PRAM1: variants seen among roughly 807,000 people sequenced by gnomAD.
PRAM1 encodes the protein PML-RARA-regulated adapter molecule 1.
In PRAM1, 41 loss-of-function variants were observed where a neutral mutation model predicts 55.3. That is an observed-to-expected ratio of 0.74 (90% CI 0.58 to 0.96). PRAM1 has a LOEUF of 0.96. Among genes scored for constraint, PRAM1 ranks in the 40% least tolerant of loss-of-function variants. The probability of loss-of-function intolerance (pLI) is 0.00; values close to 1 mark genes in which losing one functional copy is unlikely to be tolerated. For synonymous variants in PRAM1, 401 were observed against 387.1 expected (o/e 1.04, Z -0.42); for missense variants, 898 against 892.7 (o/e 1.01, Z -0.08).
chr19:8,491,066 C>T, intron 5 of PRAM1, 34 bp downstream of exon 5: 3 of 1,611,620 alleles, frequency 1.9e-6, no homozygotes, highest in East Asian at 2.2e-5. Context: ...CTGGAGCTCG[C>T]CCCCCGTCTG....
intron 4 of PRAM1, chr19:8,491,392 C>G (rs1345328670): frequency 1.0e-5 from 6 of 591,374 alleles, no homozygotes; most frequent in Non-Finnish European, 1.5e-5. Context: ...CATCACCACA[C>G]CTGGCTGATT....
At chr19:8,497,045 G>A (rs778719816) in intron 4 of PRAM1, among the ~76,000 whole-genome samples, 1 of 151,964 alleles carries the variant, frequency 6.6e-6, no homozygotes, top group Non-Finnish European at 1.5e-5. Flanking sequence ...ATAAATAAAT[G>A]AATGGATGGA....
At chr19:8,496,153 C>T (rs1482775627) in intron 4 of PRAM1, 3 of 453,952 alleles carry the variant, frequency 6.6e-6, no homozygotes, top group African/African-American at 2.0e-5. Context: ...TGGTGGCTCA[C>T]GCCTGAAATC....
At chr19:8,498,341 C>A (rs1971731524) in intron 2 of PRAM1, 35 bp downstream of exon 2, 3 of 1,591,940 alleles carry the variant, frequency 1.9e-6, no homozygotes, top group South Asian at 1.1e-5. Flanking sequence ...GGACCTCAGC[C>A]CCCGCTCCTG....
intron 4 of PRAM1, among the ~76,000 whole-genome samples, chr19:8,496,283 G>A (rs1025791436): frequency 1.3e-5 from 2 of 152,166 alleles, no homozygotes; most frequent in Non-Finnish European, 2.9e-5. Flanking sequence ...GCATGGTGGT[G>A]GGCGCCTGTA....
chr19:8,490,210 T>C lies in PRAM1; in HGVS notation c.1992A>G (p.Gln664=). The C allele has an allele frequency of 6.3e-7, 1 of 1,596,438 alleles. No homozygotes were observed. The highest frequency in any genetic ancestry group is 8.5e-7 in the Non-Finnish European group (1 of 1,170,454). The stretch of plus-strand genomic sequence containing the variant: ...GGTCTTACCGTCCCAGGGGGAGTGG[T>C]TGGTTTTCCAGGGGATCTGCCGAGG... ...DVDFCDPLEN[Q]PLPLGR Residue 664 remains glutamine (Q), a synonymous_variant, in exon 10 of 10, where the codon CAA becomes CAG. Transcript: ENST00000423345. The surrounding 1 kb of genome is among the most constrained non-coding windows in gnomAD (Gnocchi z 7.3).
At chr19:8,497,870 C>CTTTTTTTTT (rs58671333) in intron 3 of PRAM1, 30 bp from the exon 4 acceptor site, 49 of 359,058 alleles carry the variant, frequency 1.4e-4, no homozygotes, top group South Asian at 2.5e-4. Context: ...GAGGCCTCTT[C>CTTTTTTTTT]TTTTTTTTTT....
At chr19:8,494,336 G>A (rs1019356691) in intron 4 of PRAM1, among the ~76,000 whole-genome samples, 2 of 152,166 alleles carry the variant, frequency 1.3e-5, no homozygotes, top group African/African-American at 2.4e-5. Context: ...CATCCCCAAC[G>A]GTGGCCCCCA....
chr19:8,497,524 T>C (rs893040748), intron 4 of PRAM1, among the ~76,000 whole-genome samples: 1 of 152,090 alleles, frequency 6.6e-6, no homozygotes, highest in African/African-American at 2.4e-5. Context: ...CCCGGCCTGA[T>C]GCCTGCTTTT....
intron 1 of PRAM1, 102 bp downstream of exon 1, chr19:8,502,463 C>CGGG: frequency 1.5e-5 from 8 of 518,114 alleles, no homozygotes; most frequent in Admixed American, 3.2e-5. Context: ...AGCCACCCCC[C>CGGG]GCCCCCCCGC....
rs914240115 is a variant in PRAM1 at position 8,490,906 on chromosome 19, T to G, written c.1724A>C (p.Glu575Ala). Reference sequence around the variant, plus strand: ...CCTCACCTTGAACTTCTTCCGGAACTCCCTCTCGGCCTTCTCTGCCTTCCT... The same window carrying G: ...CCTCACCTTGAACTTCTTCCGGAACGCCCTCTCGGCCTTCTCTGCCTTCCT... ...QLRKAEKAER[E>A]FRKKFKFEGE... Residue 575 changes from glutamate (E) to alanine (A), a missense_variant, in exon 6 of 10, where the codon GAG (glutamate) becomes GCG (alanine). This residue lies in a region of PRAM1 where 787 missense variants were observed against 735.4 expected (regional missense o/e 1.07). Coordinates refer to ENST00000423345, the MANE Select transcript of PRAM1 (RefSeq NM_032152.5). The surrounding 1 kb of genome is among the most constrained non-coding windows in gnomAD (Gnocchi z 7.3). The G allele has an allele frequency of 6.2e-7, 1 of 1,613,612 alleles. No individual in the cohort carries two copies. Among genetic ancestry groups the G allele is most frequent in the Non-Finnish European group, 8.5e-7 (1 of 1,179,876 alleles).
chr19:8,498,559 G>A lies in PRAM1; in HGVS notation c.1249C>T (p.Arg417Cys). 1.9e-6 allele frequency: 3 copies of A among 1,611,792 alleles called. No individual in the cohort carries two copies. The highest frequency in any genetic ancestry group is 1.1e-5 in the South Asian group (1 of 90,960). The change falls in exon 2 of 10, where the codon CGC becomes TGC. Residue 417 changes from arginine to cysteine, a missense_variant. By Grantham distance (180) the Arg-to-Cys change is radical (BLOSUM62 -3). Around this residue, in one of 4 missense-constraint regions of PRAM1, gnomAD observed 787 missense variants for 735.4 expected, o/e 1.07. Transcript: ENST00000423345. The part of the protein sequence containing the change: ...SPGFGAAGTP[R>C]WRSGGLVHSG... Reference sequence around the variant, plus strand: ...TGAACCAGGCCTCCTGACCTCCAGCGGGGTGTCCCAGCCGCTCCAAACCCA... The same window carrying A: ...TGAACCAGGCCTCCTGACCTCCAGCAGGGTGTCCCAGCCGCTCCAAACCCA...
Position 8,498,542 on chromosome 19 carries a change from GC to G in PRAM1, c.1265del (p.Gly422AlafsTer56). On this transcript the variant is annotated frameshift_variant, in exon 2 of 10. Coordinates refer to ENST00000423345, the MANE Select transcript of PRAM1 (RefSeq NM_032152.5). LOFTEE classifies it high-confidence loss of function. ...AAGTPRWRSG[G>X]LVHSGGARPG... is the part of the protein sequence containing the mutation. ...GCCTGGCCCCTCCACTGTGAACCAG[GC>G]CTCCTGACCTCCAGCGGGGTGTCCC... is the stretch of plus-strand genomic sequence containing the variant. 1 of 1,609,906 alleles carries G rather than the reference GC, an allele frequency of 6.2e-7. No individual in the cohort carries two copies. Among genetic ancestry groups the G allele is most frequent in the South Asian group, 1.1e-5 (1 of 90,868 alleles).
At position 8,491,087 on chromosome 19, in the gene PRAM1, C is replaced by G; in HGVS notation, c.1634+13G>C. On this transcript the variant is annotated intron_variant, in intron 5 of 9. Coordinates refer to ENST00000423345, the MANE Select transcript of PRAM1 (RefSeq NM_032152.5). ...CTCGCCCCCCGTCTGCCCACCCCCTCTGCCCATGGCACCTGAGCGCTGGGT... is the reference window on the plus strand; with the variant it reads ...CTCGCCCCCCGTCTGCCCACCCCCTGTGCCCATGGCACCTGAGCGCTGGGT... 1 of 1,612,372 alleles carries G rather than the reference C, an allele frequency of 6.2e-7. No individual in the cohort carries two copies. The highest frequency in any genetic ancestry group is 8.5e-7 in the Non-Finnish European group (1 of 1,179,866).
In PRAM1 at chr19:8,498,435, G is replaced by C. The variant is rs756600858; in HGVS notation, c.1373C>G (p.Pro458Arg). Residue 458 changes from proline (P) to arginine (R), a missense_variant, in exon 2 of 10, where the codon CCG (proline) becomes CGG (arginine). Physicochemically the swap from Pro to Arg is moderately radical, Grantham distance 103. Coordinates refer to ENST00000423345, the MANE Select transcript of PRAM1 (RefSeq NM_032152.5). ...SSLGHPPAKP[P>R]LPPGPVDMQS... is the part of the protein sequence containing the mutation. ...CATATCCACGGGCCCCGGGGGCAGC[G>C]GGGGCTTGGCTGGAGGGTGTCCCAG... 1 of 1,579,324 alleles carries C rather than the reference G, an allele frequency of 6.3e-7. No homozygotes were observed. The highest frequency in any genetic ancestry group is 8.6e-7 in the Non-Finnish European group (1 of 1,162,060).
Position 8,499,645 on chromosome 19 carries a change from G to T in PRAM1, c.163C>A (p.His55Asn), listed in dbSNP as rs767790595. 2 of 1,613,666 alleles carry T rather than the reference G, an allele frequency of 1.2e-6. No homozygotes were observed. The highest frequency in any genetic ancestry group is 2.2e-5 in the South Asian group (2 of 91,074). ...KKFSQPELSE[H>N]PKKAPLPEFG... ...TCAGGCAGCGGGGCCTTCTTGGGGT[G>T]CTCGCTTAGCTCAGGCTGGGAGAAC... Residue 55 changes from histidine (H) to asparagine (N), a missense_variant, in exon 2 of 10, where the codon CAC becomes AAC. By Grantham distance (68) the His-to-Asn change is moderately conservative (BLOSUM62 1). Transcript: ENST00000423345.
Position 8,499,494 on chromosome 19 carries a change from T to C in PRAM1, c.314A>G (p.Lys105Arg), listed in dbSNP as rs748891639. 3 of 1,591,542 alleles carry C rather than the reference T, an allele frequency of 1.9e-6. No homozygotes were observed. Among genetic ancestry groups the C allele is most frequent in the Non-Finnish European group, 1.7e-6 (2 of 1,173,274 alleles). The stretch of plus-strand genomic sequence containing the variant: ...AGTGACCTCAGGCGGCGGGGGCTTC[T>C]TGGGGAGGTCAGTGACCTCAGGCGG... ...PPPPEVTDLP[K>R]KPPPPEVTDL... is the part of the protein sequence containing the mutation. Residue 105 changes from lysine to arginine, a missense_variant, in exon 2 of 10, where the codon AAG becomes AGG. Lys to Arg is a conservative substitution (Grantham distance 26). Transcript: ENST00000423345.
intron 4 of PRAM1, among the ~76,000 whole-genome samples, chr19:8,495,424 A>G (rs1269078758): frequency 1.3e-5 from 2 of 151,790 alleles, no homozygotes; most frequent in African/African-American, 4.8e-5. Context: ...TATTTTTAGT[A>G]GAGATGGGTT....
rs773587520 is a variant in PRAM1 at position 8,491,167 on chromosome 19, G to A, written c.1577-10C>T. On this transcript the variant is annotated splice_polypyrimidine_tract_variant and intron_variant, in intron 4 of 9. Transcript: ENST00000423345. ...ACTGAGGGCGCTTCATCTGGGGACA[G>A]TCAGGACTCCGAGTCAAGGCAGGGC... The A allele has an allele frequency of 1.2e-6, 2 of 1,608,866 alleles. No homozygotes were observed. The highest frequency in any genetic ancestry group is 8.5e-7 in the Non-Finnish European group (1 of 1,179,178).
Sources: allele counts gnomAD v4.1 joint callset (sites outside exome capture counted in the v4.1 genomes callset), GRCh38; gene constraint gnomAD v4.1.1; regional missense constraint gnomAD v4.1.1; non-coding constraint Gnocchi (gnomAD v3.1); transcripts MANE v1.5; gene names NCBI Gene and HGNC (gene_info 2026-07-23, HGNC 2026-07-21).